The following SMYD3 variants were observed in gnomAD, a reference collection of about 807,000 sequenced individuals.
SMYD3 encodes the protein histone-lysine N-methyltransferase SMYD3.
In SMYD3, 36 loss-of-function variants were observed where a neutral mutation model predicts 57.7. That is an observed-to-expected ratio of 0.62 (90% CI 0.48 to 0.82). SMYD3 has a LOEUF of 0.82. SMYD3 is among the 40% of genes least tolerant of loss of function. SMYD3 has a pLI of 0.00. For missense variants in SMYD3, 515 were observed against 538.8 expected (o/e 0.96, Z 0.44); for synonymous variants, 211 against 195.0 (o/e 1.08, Z -0.68).
In SMYD3 at chr1:245,858,550, A is replaced by C; in HGVS notation, c.1022T>G (p.Leu341Arg). 6.2e-7 allele frequency: 1 copy of C among 1,614,206 alleles called. No individual in the cohort carries two copies. The highest frequency in any genetic ancestry group is 8.5e-7 in the Non-Finnish European group (1 of 1,180,030). Reference sequence around the variant, plus strand: ...GAACAAGGCTTCCTCCAACAGGCCGAGGTTGATGCAGGCATCCATGGCGCA... The same window carrying C: ...GAACAAGGCTTCCTCCAACAGGCCGCGGTTGATGCAGGCATCCATGGCGCA... Reference protein sequence around the residue: ...LDCAMDACINLGLLEEALFYG... With the variant: ...LDCAMDACINRGLLEEALFYG... The change falls in exon 10 of 12, where the codon CTC (leucine) becomes CGC (arginine). Residue 341 changes from leucine to arginine, a missense_variant. Leu to Arg is a moderately radical substitution (Grantham distance 102). Coordinates refer to ENST00000490107, the MANE Select transcript of SMYD3 (RefSeq NM_001167740.2).
At chr1:246,395,774 CCCACCA>C (rs2066657831) in intron 1 of SMYD3, among the ~76,000 whole-genome samples, 57 of 149,438 alleles carry the variant, frequency 3.8e-4, no homozygotes, top group African/African-American at 9.0e-4. Flanking sequence ...GGAAGAGGAA[CCCACCA>C]TGGTCAGACA....
At chr1:245,884,792 C>CCCAATCAGCACTCTGTAAAAT (rs59971082) in intron 8 of SMYD3, among the ~76,000 whole-genome samples, 6 of 147,160 alleles carry the variant, frequency 4.1e-5, no homozygotes, top group Non-Finnish European at 7.5e-5. Context: ...GGATTGTAAA[C>CCCAATCAGCACTCTGTAAAAT]GGACCAATCA....
intron 5 of SMYD3, among the ~76,000 whole-genome samples, chr1:246,246,797 A>G (rs920891817): frequency 6.6e-6 from 1 of 151,072 alleles, no homozygotes; most frequent in Non-Finnish European, 1.5e-5. Context: ...TCAAAACCCA[A>G]TTTGCCTGAC....
chr1:246,175,671 T>G lies in SMYD3; in HGVS notation c.531+151530A>C, dbSNP rs1182337689. Among the ~76,000 whole-genome samples, 7 of 152,266 alleles carry G rather than the reference T, an allele frequency of 4.6e-5. No homozygotes were observed. In the East Asian group the frequency reaches 1.4e-3, roughly 29 times the overall value. ...AGAGTATCTTCTAATCTGTTAGGAT[T>G]TTGCTGAATGACATTTGCTAGGGGA... On this transcript the variant is annotated intron_variant, in intron 5 of 11. Transcript: ENST00000490107.
intron 5 of SMYD3, among the ~76,000 whole-genome samples, chr1:246,159,741 G>A (rs951223820): frequency 2.0e-5 from 3 of 152,218 alleles, no homozygotes; most frequent in Non-Finnish European, 2.9e-5. Flanking sequence ...CAGGGAACAC[G>A]ACGGAAGCAC....
At chr1:245,885,736 G>T (rs540501016) in intron 8 of SMYD3, among the ~76,000 whole-genome samples, 1 of 152,236 alleles carries the variant, frequency 6.6e-6, no homozygotes, top group East Asian at 1.9e-4. Flanking sequence ...GCATAAAAAC[G>T]TTCATGGTCT....
At chr1:246,384,460 A>G (rs998777511) in intron 1 of SMYD3, among the ~76,000 whole-genome samples, 1 of 151,912 alleles carries the variant, frequency 6.6e-6, no homozygotes, top group African/African-American at 2.4e-5. Flanking sequence ...CAGTGGTGCC[A>G]TCTCGGCTCA....
intron 1 of SMYD3, among the ~76,000 whole-genome samples, chr1:246,491,961 AC>A (rs1323318189): frequency 2.0e-5 from 3 of 152,212 alleles, no homozygotes; most frequent in African/African-American, 7.2e-5. Context: ...CCCTGGCTGG[AC>A]GGCAGGAACT....
chr1:246,422,771 AT>A (rs935996568), intron 1 of SMYD3, among the ~76,000 whole-genome samples: 158 of 151,632 alleles, frequency 1.0e-3, no homozygotes, highest in Admixed American at 2.4e-3. Flanking sequence ...ATTTATTATG[AT>A]TTTTTTTTAA....
intron 5 of SMYD3, among the ~76,000 whole-genome samples, chr1:246,265,177 C>T (rs1047589683): frequency 1.3e-5 from 2 of 152,178 alleles, no homozygotes; most frequent in Admixed American, 1.3e-4. Context: ...TCTCTGTTGA[C>T]CAGGCTGGAG....
At chr1:246,238,087 A>G (rs1354382328) in intron 5 of SMYD3, among the ~76,000 whole-genome samples, 1 of 151,996 alleles carries the variant, frequency 6.6e-6, no homozygotes, top group Non-Finnish European at 1.5e-5. Context: ...TTTTTAAGAC[A>G]AGGTCTGGCT....
chr1:246,290,180 A>T (rs541198751), intron 5 of SMYD3, among the ~76,000 whole-genome samples: 11 of 152,344 alleles, frequency 7.2e-5, no homozygotes, highest in African/African-American at 2.6e-4. Flanking sequence ...TTTTCCAGCA[A>T]AAACTGGAGA....
At chr1:246,445,177 C>A (rs2067533793) in intron 1 of SMYD3, among the ~76,000 whole-genome samples, 1 of 152,168 alleles carries the variant, frequency 6.6e-6, no homozygotes, top group African/African-American at 2.4e-5. Context: ...GCTAACACAA[C>A]ATTAGGAGGG....
At chr1:245,817,097 CACAG>C (rs1338929257) in intron 10 of SMYD3, among the ~76,000 whole-genome samples, 9 of 151,460 alleles carry the variant, frequency 5.9e-5, no homozygotes, top group Non-Finnish European at 1.2e-4. Context: ...GGGGGCAGGG[CACAG>C]ACAAACAAAA....
intron 5 of SMYD3, chr1:246,178,972 T>C (rs184725905): frequency 2.8e-4 from 43 of 152,890 alleles, no homozygotes; most frequent in Admixed American, 2.7e-3. Flanking sequence ...GAGGCCCCTG[T>C]AGGGAACAGT....
chr1:246,139,248 A>G (rs1213104253), intron 5 of SMYD3, among the ~76,000 whole-genome samples: 6 of 152,196 alleles, frequency 3.9e-5, no homozygotes, highest in African/African-American at 1.4e-4. Context: ...TTCTCAATGG[A>G]CCAAAAAATG....
intron 1 of SMYD3, among the ~76,000 whole-genome samples, chr1:246,392,334 T>C (rs756818332): frequency 6.6e-6 from 1 of 152,188 alleles, no homozygotes; most frequent in Non-Finnish European, 1.5e-5. Flanking sequence ...AGAATTACTT[T>C]AGGCAATAAT....
intron 10 of SMYD3, among the ~76,000 whole-genome samples, chr1:245,808,832 A>G (rs1459366987): frequency 3.3e-5 from 5 of 152,006 alleles, no homozygotes; most frequent in African/African-American, 1.2e-4. Flanking sequence ...GCACGATCTC[A>G]GCTCATTGGA....
chr1:245,919,794 T>C (rs970180593), intron 7 of SMYD3, among the ~76,000 whole-genome samples: 2 of 152,220 alleles, frequency 1.3e-5, no homozygotes, highest in Admixed American at 1.3e-4. Flanking sequence ...GACACCTTAA[T>C]GGCACAGAAC....
Sources: allele counts gnomAD v4.1 joint callset (sites outside exome capture counted in the v4.1 genomes callset), GRCh38; gene constraint gnomAD v4.1.1; transcripts MANE v1.5; gene names NCBI Gene and HGNC (gene_info 2026-07-23, HGNC 2026-07-21).